Variants in APP observed in about 807,000 individuals in gnomAD.
APP encodes amyloid beta precursor protein.
Under a neutral mutation model 101.4 loss-of-function variants are expected in APP, and 31 were observed. The ratio of observed to expected loss-of-function variants is 0.31; its 90% CI spans 0.23 to 0.41. APP has a LOEUF of 0.41. APP is among the 10% of genes least tolerant of loss of function. The pLI, the probability that APP is intolerant of heterozygous loss-of-function variation, is 1.00. For synonymous variants in APP, 366 were observed against 364.4 expected, an observed-to-expected ratio of 1.00 and a Z score of -0.05; for missense variants, 839 against 1,003.7, an observed-to-expected ratio of 0.84 and a Z score of 2.22.
Position 26,044,689 on chromosome 21 carries a change from G to A in APP, c.662+6311C>T, listed in dbSNP as rs912961633. Among the ~76,000 whole-genome samples the A allele has an allele frequency of 4.6e-5, 7 of 152,066 alleles. No homozygotes were observed. The East Asian group carries it at 5.8e-4, about 13-fold the overall frequency. Reference sequence around the variant, plus strand: ...CGAGTAGCTGGGATTACAGGCATGCGCCACCACGCCTAGCTAATTTTGTAT... The same window carrying A: ...CGAGTAGCTGGGATTACAGGCATGCACCACCACGCCTAGCTAATTTTGTAT... On this transcript the variant is annotated intron_variant, in intron 5 of 17. Transcript: ENST00000346798.
intron 1 of APP, among the ~76,000 whole-genome samples, chr21:26,138,351 T>C (rs2062964965): frequency 6.6e-6 from 1 of 152,072 alleles, no homozygotes; most frequent in South Asian, 2.1e-4. Context: ...ACACAAATAT[T>C]GTACATGTTA....
At chr21:25,906,996 T>C (rs2038826679) in intron 14 of APP, among the ~76,000 whole-genome samples, 1 of 152,222 alleles carries the variant, frequency 6.6e-6, no homozygotes, top group South Asian at 2.1e-4. Context: ...TTACTTTCTC[T>C]GTGATCTGGG....
Position 25,976,571 on chromosome 21 carries a change from A to C in APP, c.1225-543T>G, listed in dbSNP as rs542894880. ...ATATCCTAAGACCTATCCCCCTTTAAAGAACTGATGGGGAATTAAGGCCCT... is the reference window on the plus strand; with the variant it reads ...ATATCCTAAGACCTATCCCCCTTTACAGAACTGATGGGGAATTAAGGCCCT... On this transcript the variant is annotated intron_variant, in intron 9 of 17. Coordinates refer to ENST00000346798, the MANE Select transcript of APP (RefSeq NM_000484.4). 5.9e-5 allele frequency among the ~76,000 whole-genome samples: 9 copies of C among 152,328 alleles called. No individual in the cohort carries two copies. The South Asian group carries it at 1.9e-3, about 32-fold the overall frequency.
chr21:25,977,995 A>G (rs1230726355), intron 9 of APP, among the ~76,000 whole-genome samples: 1 of 152,244 alleles, frequency 6.6e-6, no homozygotes, highest in African/African-American at 2.4e-5. Flanking sequence ...TTTGAGATAG[A>G]AGTTCAATGT....
chr21:25,906,710 T>G (rs532836737), intron 14 of APP, among the ~76,000 whole-genome samples: 2 of 152,332 alleles, frequency 1.3e-5, no homozygotes, highest in Admixed American at 1.3e-4. Context: ...GTAACTGTAT[T>G]ACTCCTTGTA....
At chr21:26,126,789 A>T (rs751809000) in intron 1 of APP, among the ~76,000 whole-genome samples, 1 of 152,156 alleles carries the variant, frequency 6.6e-6, no homozygotes, top group East Asian at 1.9e-4. Flanking sequence ...GCCTTTACTT[A>T]GGGGGAAAGA....
chr21:26,076,901 A>C (rs1457635667), intron 3 of APP, among the ~76,000 whole-genome samples: 1 of 152,062 alleles, frequency 6.6e-6, no homozygotes, highest in Non-Finnish European at 1.5e-5. Context: ...GTCTCCACTA[A>C]AAATACAAAA....
At chr21:25,957,625 T>C (rs1240731686) in intron 11 of APP, among the ~76,000 whole-genome samples, 1 of 152,162 alleles carries the variant, frequency 6.6e-6, no homozygotes, top group Non-Finnish European at 1.5e-5. Flanking sequence ...AGTTGCTCTA[T>C]TTCATTTTTC....
chr21:25,912,026 G>GCCA, intron 13 of APP, 64 bp from the exon 14 acceptor site: 1 of 1,300,040 alleles, frequency 7.7e-7, no homozygotes, highest in Non-Finnish European at 1.1e-6. Flanking sequence ...AGCAGCAGCA[G>GCCA]CCACCATTTA....
intron 1 of APP, among the ~76,000 whole-genome samples, chr21:26,157,329 C>T (rs764286828): frequency 6.6e-6 from 1 of 152,100 alleles, no homozygotes. Flanking sequence ...CTCAGTCTCC[C>T]GAAGTGCTGG....
chr21:26,142,070 A>G (rs2063058102), intron 1 of APP, among the ~76,000 whole-genome samples: 1 of 152,218 alleles, frequency 6.6e-6, no homozygotes, highest in Non-Finnish European at 1.5e-5. Flanking sequence ...CAGTATCCAG[A>G]ATCCAGATGT....
At chr21:25,900,987 C>CAAAAAAAAAAAAAAAAA (rs71183520) in intron 15 of APP, among the ~76,000 whole-genome samples, 23 of 118,562 alleles carry the variant, frequency 1.9e-4, no homozygotes, top group African/African-American at 6.6e-4. Context: ...GACTCCATCT[C>CAAAAAAAAAAAAAAAAA]AAAAAAAAAA....
At chr21:26,091,286 C>T (rs577386041) in intron 2 of APP, among the ~76,000 whole-genome samples, 1 of 152,230 alleles carries the variant, frequency 6.6e-6, no homozygotes, top group East Asian at 1.9e-4. Flanking sequence ...AATCTGAGTC[C>T]ACTGATCACA....
At position 25,976,004 on chromosome 21, in the gene APP, C is replaced by G. The variant is rs543363868; in HGVS notation, c.1249G>C (p.Glu417Gln). 1.2e-6 allele frequency: 2 copies of G among 1,613,872 alleles called. No individual in the cohort carries two copies. The highest frequency in any genetic ancestry group is 2.7e-5 in the African/African-American group (2 of 75,042). ...SQVMREWEEA[E>Q]RQAKNLPKAD... is the part of the protein sequence containing the mutation. The stretch of plus-strand genomic sequence containing the variant: ...TTAGGCAAGTTCTTTGCTTGACGTT[C>G]TGCCTCTTCCCATTCTCTCATGACC... Residue 417 changes from glutamate (E) to glutamine (Q), a missense_variant, in exon 10 of 18, where the codon GAA becomes CAA. By Grantham distance (29) the Glu-to-Gln change is conservative. Coordinates refer to ENST00000346798, the MANE Select transcript of APP (RefSeq NM_000484.4).
chr21:26,133,540 C>A (rs962792504), intron 1 of APP, among the ~76,000 whole-genome samples: 1 of 152,148 alleles, frequency 6.6e-6, no homozygotes, highest in African/African-American at 2.4e-5. Flanking sequence ...AATCCCAGCA[C>A]TTTGGGAGGC....
chr21:26,114,770 C>T (rs1199007999), intron 1 of APP, among the ~76,000 whole-genome samples: 2 of 152,138 alleles, frequency 1.3e-5, no homozygotes, highest in African/African-American at 4.8e-5. Context: ...TGCTTCTTGA[C>T]TTTACAGCTA....
At chr21:26,029,331 C>T (rs2044717822) in intron 5 of APP, among the ~76,000 whole-genome samples, 1 of 148,678 alleles carries the variant, frequency 6.7e-6, no homozygotes, top group Non-Finnish European at 1.5e-5. Context: ...TAGGGGTACA[C>T]TGGAAAGCAA....
At chr21:26,027,341 TA>T (rs2044624803) in intron 5 of APP, among the ~76,000 whole-genome samples, 1 of 152,058 alleles carries the variant, frequency 6.6e-6, no homozygotes, top group African/African-American at 2.4e-5. Flanking sequence ...TTCAAGAAGA[TA>T]AACAGACGGT....
At chr21:26,108,164 A>G (rs2062226583) in intron 2 of APP, among the ~76,000 whole-genome samples, 1 of 152,200 alleles carries the variant, frequency 6.6e-6, no homozygotes, top group Admixed American at 6.5e-5. Flanking sequence ...ACAGAATGCA[A>G]CTGCCTATGG....
Sources: allele counts gnomAD v4.1 joint callset (sites outside exome capture counted in the v4.1 genomes callset), GRCh38; gene constraint gnomAD v4.1.1; transcripts MANE v1.5; gene names NCBI Gene and HGNC (gene_info 2026-07-23, HGNC 2026-07-21).